Variants in RNASET2 observed in about 807,000 individuals in gnomAD.
RNASET2 encodes the protein ribonuclease 6.
RNASET2 carries 28 observed loss-of-function variants against 33.9 expected under a neutral mutation model. The ratio of observed to expected loss-of-function variants is 0.83; its 90% CI spans 0.61 to 1.13. The LOEUF (loss-of-function observed/expected upper bound fraction) is 1.13. Among genes scored for constraint, RNASET2 ranks in the 50% most tolerant of loss-of-function variants. The pLI is 0.00. For synonymous variants in RNASET2, 123 were observed against 121.0 expected, an observed-to-expected ratio of 1.02 and a Z score of -0.11; for missense variants, 330 against 319.9, an observed-to-expected ratio of 1.03 and a Z score of -0.24.
rs894194697 is a variant in RNASET2 at position 166,928,370 on chromosome 6, G to C, written c.*1218C>G. 6.6e-6 allele frequency among the ~76,000 whole-genome samples: 1 copy of C among 151,714 alleles called. No homozygotes were observed. Among genetic ancestry groups the C allele is most frequent in the Non-Finnish European group, 1.5e-5 (1 of 68,004 alleles). On this transcript the variant is annotated 3_prime_UTR_variant, in exon 9 of 9. Coordinates refer to ENST00000508775, the MANE Select transcript of RNASET2 (RefSeq NM_003730.6). ...TGTAGACACCATGAAGTGAGGTTTT[G>C]GTTTGAGCCAATTTGAAAATCTCTT...
In RNASET2 at chr6:166,952,618, T is replaced by C. The variant is rs1779013787; in HGVS notation, c.87-70A>G. The C allele has an allele frequency of 2.6e-6, 3 of 1,166,194 alleles. No individual in the cohort carries two copies. The African/African-American group carries it at 4.6e-5, about 18-fold the overall frequency. 72.2% of individuals were successfully genotyped at this position (1,166,194 alleles called of 1,614,324 possible). A position where few individuals can be genotyped will look rare whatever the true frequency, so the allele number is the denominator to read the frequency against. On this transcript the variant is annotated intron_variant, in intron 1 of 8. Coordinates refer to ENST00000508775, the MANE Select transcript of RNASET2 (RefSeq NM_003730.6). ...GTTACAGAAAAAATTCATCCACCCA[T>C]CCATCCCTTCAATCATTCATTCAGC...
At chr6:166,936,594 G>A (rs545396736) in intron 6 of RNASET2, among the ~76,000 whole-genome samples, 10 of 152,278 alleles carry the variant, frequency 6.6e-5, no homozygotes, top group African/African-American at 2.4e-4. Context: ...CAGGGGTTGG[G>A]GGCGGTGCCA....
Position 166,929,444 on chromosome 6 carries a change from C to G in RNASET2, c.*144G>C. On this transcript the variant is annotated 3_prime_UTR_variant, in exon 9 of 9. Coordinates refer to ENST00000508775, the MANE Select transcript of RNASET2 (RefSeq NM_003730.6). ...CCCGTGTACGCCACATGCACTCACT[C>G]TACAGGGACCACAACATCCAATTCA... is the stretch of plus-strand genomic sequence containing the variant. 1 of 883,714 alleles carries G rather than the reference C, an allele frequency of 1.1e-6. No individual in the cohort carries two copies. 54.7% of individuals were successfully genotyped at this position (883,714 alleles called of 1,614,324 possible). A position where few individuals can be genotyped will look rare whatever the true frequency, so the allele number is the denominator to read the frequency against.
rs61635852 is a variant in RNASET2, at chr6:166,942,058, CTTTT to C, written c.332+957_332+960del. 4.7e-5 allele frequency among the ~76,000 whole-genome samples: 6 copies of C among 127,220 alleles called. 1 individual carries two copies. Among genetic ancestry groups the C allele is most frequent in the African/African-American group, 1.2e-4 (4 of 32,578 alleles). 83.5% of individuals were successfully genotyped at this position (127,220 alleles called of 152,430 possible). A position where few individuals can be genotyped will look rare whatever the true frequency, so the allele number is the denominator to read the frequency against. Reference sequence around the variant, plus strand: ...AGATCATCATTTTAGAAGACATCTTCTTTTTTTTTTTTGAGATGGAATCTTGCCC... The same window carrying C: ...AGATCATCATTTTAGAAGACATCTTCTTTTTTTTGAGATGGAATCTTGCCC... On this transcript the variant is annotated intron_variant, in intron 5 of 8. Transcript: ENST00000508775.
intron 2 of RNASET2, among the ~76,000 whole-genome samples, chr6:166,949,858 G>A (rs1031040178): frequency 6.6e-6 from 1 of 152,180 alleles, no homozygotes; most frequent in Non-Finnish European, 1.5e-5. Context: ...CTGAGAACCC[G>A]ACAGGCAGAC....
chr6:166,949,570 T>A (rs142381560), intron 2 of RNASET2, among the ~76,000 whole-genome samples: 116 of 147,790 alleles, frequency 7.8e-4, no homozygotes, highest in African/African-American at 2.7e-3. Context: ...TAAGTGAAAC[T>A]GCATTTTCAT....
In RNASET2 at chr6:166,956,324, G is replaced by A. The variant is rs906245321; in HGVS notation, c.-142C>T. Reference sequence around the variant, plus strand: ...TCCCTCCGCTGCAGCAGCGGCCACCGGGTGCGCCCGGAGCCCTGGGACGGC... The same window carrying A: ...TCCCTCCGCTGCAGCAGCGGCCACCAGGTGCGCCCGGAGCCCTGGGACGGC... On this transcript the variant is annotated 5_prime_UTR_variant, in exon 1 of 9. Transcript: ENST00000508775. The A allele has an allele frequency of 3.8e-6, 3 of 797,136 alleles. No homozygotes were observed. The highest frequency in any genetic ancestry group is 1.7e-5 in the African/African-American group (1 of 58,562). The allele number at this position is 797,136 out of a possible 1,614,324, so 49.4% of individuals were successfully genotyped here.
At chr6:166,946,983 G>T (rs1450922581) in intron 3 of RNASET2, 1 of 543,748 alleles carries the variant, frequency 1.8e-6, no homozygotes, top group African/African-American at 1.9e-5. Context: ...ATGCAGACAG[G>T]CCACTGCTTA....
In RNASET2 at chr6:166,925,944, C is replaced by T. The variant is rs1361943979; in HGVS notation, c.*3644G>A. ...GAGGGAATGTCCCTGAGCCGCCATA[C>T]TGGGGAGGTGTGATCTGGGAGCAGA... On this transcript the variant is annotated 3_prime_UTR_variant, in exon 9 of 9. Transcript: ENST00000508775. 1.3e-5 allele frequency among the ~76,000 whole-genome samples: 2 copies of T among 152,124 alleles called. No homozygotes were observed. The highest frequency in any genetic ancestry group is 2.9e-5 in the Non-Finnish European group (2 of 68,030).
At chr6:166,936,002 A>G (rs1202189881) in intron 6 of RNASET2, among the ~76,000 whole-genome samples, 4 of 152,246 alleles carry the variant, frequency 2.6e-5, no homozygotes, top group African/African-American at 9.6e-5. Context: ...TTGAAAAGCC[A>G]ACCTATGAGA....
intron 5 of RNASET2, 129 bp from the exon 6 acceptor site, chr6:166,939,137 C>G: frequency 2.7e-6 from 2 of 734,004 alleles, no homozygotes; most frequent in African/African-American, 3.4e-5. Context: ...AGTTTGAGAC[C>G]AGCCTGACCA....
At chr6:166,930,703 C>T (rs1778407787) in intron 8 of RNASET2, among the ~76,000 whole-genome samples, 1 of 151,208 alleles carries the variant, frequency 6.6e-6, no homozygotes, top group Non-Finnish European at 1.5e-5. Context: ...CACATGCACA[C>T]ATGCATGTAC....
At chr6:166,947,318 C>T (rs1354506282) in intron 3 of RNASET2, among the ~76,000 whole-genome samples, 3 of 152,182 alleles carry the variant, frequency 2.0e-5, no homozygotes, top group African/African-American at 7.2e-5. Flanking sequence ...CATCCTCACA[C>T]ATCTAATTCT....
At chr6:166,947,420 G>A (rs1011768084) in intron 3 of RNASET2, among the ~76,000 whole-genome samples, 1 of 152,222 alleles carries the variant, frequency 6.6e-6, no homozygotes, top group African/African-American at 2.4e-5. Context: ...AAAGAGGCCA[G>A]GGAGGAGAGT....
Position 166,931,004 on chromosome 6 carries a change from T to C in RNASET2, c.567+40A>G, listed in dbSNP as rs749813943. The C allele has an allele frequency of 1.5e-5, 21 of 1,425,204 alleles. No individual in the cohort carries two copies. The Middle Eastern group carries it at 1.0e-3, about 71-fold the overall frequency. 88.3% of individuals were successfully genotyped at this position (1,425,204 alleles called of 1,614,324 possible). ...GGCCATCAGAAAAGTAGAACCTGTC[T>C]TCTTGAGAAAAAAAGGAAGACAAAA... On this transcript the variant is annotated intron_variant, in intron 8 of 8. Coordinates refer to ENST00000508775, the MANE Select transcript of RNASET2 (RefSeq NM_003730.6).
intron 4 of RNASET2, among the ~76,000 whole-genome samples, chr6:166,945,916 A>G (rs1012699332): frequency 6.6e-6 from 1 of 151,998 alleles, no homozygotes; most frequent in South Asian, 2.1e-4. Flanking sequence ...TACCATTCCT[A>G]GGAAAGACCC....
intron 2 of RNASET2, among the ~76,000 whole-genome samples, chr6:166,952,142 G>A (rs759198324): frequency 1.3e-5 from 2 of 152,192 alleles, no homozygotes; most frequent in East Asian, 1.9e-4. Context: ...AGAGGACCAC[G>A]GGTCCTTACT....
chr6:166,942,995 C>T, intron 5 of RNASET2, 24 bp downstream of exon 5: 1 of 1,603,864 alleles, frequency 6.2e-7, no homozygotes, highest in African/African-American at 1.3e-5. Context: ...GTAATCAAGA[C>T]AGCAATCAGA....
rs576639665 is a variant in RNASET2 at position 166,923,228 on chromosome 6, CTTTTTTT to C, written c.*6353_*6359del. Among the ~76,000 whole-genome samples the C allele has an allele frequency of 1.9e-5, 2 of 102,672 alleles. No homozygotes were observed. The highest frequency in any genetic ancestry group is 3.7e-5 in the Non-Finnish European group (2 of 54,584). 67.4% of individuals were successfully genotyped at this position (102,672 alleles called of 152,430 possible). A position where few individuals can be genotyped will look rare whatever the true frequency, so the allele number is the denominator to read the frequency against. On this transcript the variant is annotated 3_prime_UTR_variant, in exon 9 of 9. Coordinates refer to ENST00000508775, the MANE Select transcript of RNASET2 (RefSeq NM_003730.6). ...ACAGGCGTGAGCCACCAGGCCCGGC[CTTTTTTT>C]TTTTTTTTTTTTTTGAGACAGAGTC... is the stretch of plus-strand genomic sequence containing the variant.
Sources: gnomAD v4.1 joint callset for allele counts (sites outside exome capture counted in the v4.1 genomes callset) on GRCh38, gnomAD v4.1.1 for gene constraint, MANE v1.5 for transcripts, NCBI Gene and HGNC (gene_info 2026-07-23, HGNC 2026-07-21) for gene names.